The following FKTN variants were observed in gnomAD, a reference collection of about 807,000 sequenced individuals.
FKTN encodes the protein ribitol-5-phosphate transferase FKTN.
In FKTN, 47 loss-of-function variants were observed where a neutral mutation model predicts 58.6. The ratio of observed to expected loss-of-function variants is 0.80; its 90% CI spans 0.63 to 1.02. The LOEUF (loss-of-function observed/expected upper bound fraction) is 1.02. Ranked by LOEUF, FKTN falls within the 50% of genes least tolerant of loss-of-function variation. The pLI is 0.00. For synonymous variants in FKTN, 178 were observed against 191.9 expected, an observed-to-expected ratio of 0.93 and a Z score of 0.60; for missense variants, 516 against 537.3, an observed-to-expected ratio of 0.96 and a Z score of 0.39.
Position 105,638,686 on chromosome 9 carries a change from A to ATT in FKTN, c.*3431_*3432dup. ...CTGGAGTCACTTTGCAGTTTTCAAGATTTTTTTTTTATCTGCTTGGCTGGA... is the reference window on the plus strand; with the variant it reads ...CTGGAGTCACTTTGCAGTTTTCAAGATTTTTTTTTTTTATCTGCTTGGCTGGA... On this transcript the variant is annotated 3_prime_UTR_variant, in exon 11 of 11. Transcript: ENST00000357998. The ATT allele has an allele frequency of 1.1e-6, 1 of 936,218 alleles. No homozygotes were observed. Among genetic ancestry groups the ATT allele is most frequent in the African/African-American group, 1.8e-5 (1 of 55,858 alleles). The allele number at this position is 936,218 out of a possible 1,614,324, so 58.0% of individuals were successfully genotyped here.
Position 105,636,598 on chromosome 9 carries a change from T to C in FKTN, c.*1334T>C. The C allele has an allele frequency of 8.8e-7, 1 of 1,134,232 alleles. No homozygotes were observed. Among genetic ancestry groups the C allele is most frequent in the Non-Finnish European group, 1.1e-6 (1 of 895,194 alleles). The allele number at this position is 1,134,232 out of a possible 1,614,324, so 70.3% of individuals were successfully genotyped here. On this transcript the variant is annotated 3_prime_UTR_variant, in exon 11 of 11. Transcript: ENST00000357998. ...TACCCCATCTCTCTCTTATATCACT[T>C]GAATGATATATTGTAAGTGAGAGGT...
chr9:105,566,708 C>A (rs1240127464), intron 1 of FKTN, among the ~76,000 whole-genome samples: 9 of 151,648 alleles, frequency 5.9e-5, no homozygotes, highest in Admixed American at 6.6e-5. Flanking sequence ...CCGAATTCTA[C>A]CAGAGGTACA....
Position 105,637,179 on chromosome 9 carries a change from T to C in FKTN, c.*1915T>C. ...TCCACCCTACTTGATGAGGACCATT[T>C]GCTTGTGCTCAGTATTTAGAAATGC... On this transcript the variant is annotated 3_prime_UTR_variant, in exon 11 of 11. Coordinates refer to ENST00000357998, the MANE Select transcript of FKTN (RefSeq NM_001079802.2). 1.0e-6 allele frequency: 1 copy of C among 985,142 alleles called. No homozygotes were observed. Among genetic ancestry groups the C allele is most frequent in the South Asian group, 4.7e-5 (1 of 21,476 alleles). The allele number at this position is 985,142 out of a possible 1,614,324, so 61.0% of individuals were successfully genotyped here. A position where few individuals can be genotyped will look rare whatever the true frequency, so the allele number is the denominator to read the frequency against.
At position 105,639,486 on chromosome 9, in the gene FKTN, CAG is replaced by C. The variant is rs1834279478; in HGVS notation, c.*4223_*4224del. The C allele has an allele frequency of 2.9e-6, 2 of 697,252 alleles. No individual in the cohort carries two copies. The allele number at this position is 697,252 out of a possible 1,614,324, so 43.2% of individuals were successfully genotyped here. On this transcript the variant is annotated 3_prime_UTR_variant, in exon 11 of 11. Coordinates refer to ENST00000357998, the MANE Select transcript of FKTN (RefSeq NM_001079802.2). ...TTTTAGGGGGATTAAATGAAGTATA[CAG>C]TTCTTAGCCTCAGGCCTAGGATTAA...
rs773274756 is a variant in FKTN, at chr9:105,604,199, G to GCTT, written c.370-12_370-10dup. 6.2e-7 allele frequency: 1 copy of GCTT among 1,611,640 alleles called. No homozygotes were observed. Among genetic ancestry groups the GCTT allele is most frequent in the Non-Finnish European group, 8.5e-7 (1 of 1,179,494 alleles). ...TAAGTGTTGTTTCTTGATGTTTGATGCTTCTTTGGTTCTAGGAAGGCTGGT... is the reference window on the plus strand; with the variant it reads ...TAAGTGTTGTTTCTTGATGTTTGATGCTTCTTCTTTGGTTCTAGGAAGGCTGGT... On this transcript the variant is annotated splice_polypyrimidine_tract_variant and intron_variant, in intron 5 of 10. Transcript: ENST00000357998.
intron 3 of FKTN, among the ~76,000 whole-genome samples, chr9:105,578,920 T>C (rs1253858729): frequency 6.6e-6 from 1 of 152,124 alleles, no homozygotes; most frequent in African/African-American, 2.4e-5. Flanking sequence ...TGTCAAGGAA[T>C]TTATCCATTT....
intron 10 of FKTN, among the ~76,000 whole-genome samples, chr9:105,626,081 AGTT>A (rs1832700644): frequency 6.6e-6 from 1 of 152,154 alleles, no homozygotes; most frequent in Non-Finnish European, 1.5e-5. Flanking sequence ...GCTGTGTAGT[AGTT>A]AATTGTATGA....
intron 7 of FKTN, among the ~76,000 whole-genome samples, chr9:105,613,126 C>G (rs1242369650): frequency 6.6e-6 from 1 of 152,156 alleles, no homozygotes; most frequent in African/African-American, 2.4e-5. Flanking sequence ...TTAGTCCTTT[C>G]AGTCACTCTG....
chr9:105,617,821 G>A (rs1053797171), intron 8 of FKTN, 138 bp from the exon 9 acceptor site: 43 of 606,600 alleles, frequency 7.1e-5, no homozygotes, highest in Non-Finnish European at 1.0e-4. Flanking sequence ...AGGAGTTTGC[G>A]TACAGCCTGG....
intron 5 of FKTN, among the ~76,000 whole-genome samples, chr9:105,602,076 ATTG>A (rs947013322): frequency 2.6e-5 from 4 of 152,206 alleles, no homozygotes; most frequent in Admixed American, 2.6e-4. Context: ...TATGAATGAT[ATTG>A]TTGTTGGCAA....
At chr9:105,626,806 T>C (rs1415438802) in intron 10 of FKTN, among the ~76,000 whole-genome samples, 1 of 152,088 alleles carries the variant, frequency 6.6e-6, no homozygotes, top group Non-Finnish European at 1.5e-5. Flanking sequence ...TACCAAATTG[T>C]AGTTTAGATT....
chr9:105,570,431 T>C lies in FKTN; in HGVS notation c.-180-3224T>C, dbSNP rs77464264. Among the ~76,000 whole-genome samples the C allele has an allele frequency of 9.1e-3, 1,379 of 152,328 alleles. 22 individuals carry two copies. Among genetic ancestry groups the C allele is most frequent in the African/African-American group, 0.032 (1,321 of 41,578 alleles). ...CGTGCTTATTCCTTCATTGCAACTA[T>C]ACTGTATTGTTATTGCCTCTATATT... is the stretch of plus-strand genomic sequence containing the variant. On this transcript the variant is annotated intron_variant, in intron 1 of 10. Transcript: ENST00000357998.
chr9:105,636,467 T>C lies in FKTN; in HGVS notation c.*1203T>C. The C allele has an allele frequency of 1.0e-6, 1 of 993,834 alleles. No homozygotes were observed. 61.6% of individuals were successfully genotyped at this position (993,834 alleles called of 1,614,324 possible). A position where few individuals can be genotyped will look rare whatever the true frequency, so the allele number is the denominator to read the frequency against. On this transcript the variant is annotated 3_prime_UTR_variant, in exon 11 of 11. Transcript: ENST00000357998. ...CCCCAGTTTTTCAGTCTGTTGAATG[T>C]CGATGGGGCAAGAACTCAGACTTCT...
chr9:105,617,319 G>A (rs963686293), intron 8 of FKTN, among the ~76,000 whole-genome samples: 4 of 152,250 alleles, frequency 2.6e-5, no homozygotes, highest in South Asian at 2.1e-4. Context: ...GAGCACATAC[G>A]TGGTAAACAC....
intron 1 of FKTN, among the ~76,000 whole-genome samples, chr9:105,569,723 ATCT>A (rs1435802917): frequency 2.6e-5 from 4 of 152,162 alleles, no homozygotes; most frequent in African/African-American, 9.7e-5. Context: ...TTATATATTA[ATCT>A]TCTCATATTT....
chr9:105,617,137 C>A (rs1230082812), intron 8 of FKTN, among the ~76,000 whole-genome samples: 1 of 152,006 alleles, frequency 6.6e-6, no homozygotes, highest in East Asian at 1.9e-4. Context: ...TTTTAGAATT[C>A]CAAACAATAT....
chr9:105,606,131 A>T (rs1365080629), intron 6 of FKTN, among the ~76,000 whole-genome samples: 1 of 152,118 alleles, frequency 6.6e-6, no homozygotes, highest in Admixed American at 6.5e-5. Context: ...CCTTATAGTA[A>T]AAGTATTAAG....
chr9:105,572,663 T>TA (rs1265801183), intron 1 of FKTN, among the ~76,000 whole-genome samples: 6 of 152,192 alleles, frequency 3.9e-5, no homozygotes, highest in African/African-American at 1.4e-4. Flanking sequence ...AGTGCACAGA[T>TA]ACCCCATCTT....
Position 105,635,817 on chromosome 9 carries a change from GGAATT to G in FKTN, c.*559_*563del, listed in dbSNP as rs1833990612. The G allele has an allele frequency of 2.0e-6, 2 of 998,714 alleles. No homozygotes were observed. The highest frequency in any genetic ancestry group is 1.1e-4 in the Admixed American group (2 of 19,006). The allele number at this position is 998,714 out of a possible 1,614,324, so 61.9% of individuals were successfully genotyped here. ...GTTCATTTTTCAACTAATCTTATGT[GGAATT>G]GAATTAGAGAACAAGGCATTATTCT... On this transcript the variant is annotated 3_prime_UTR_variant, in exon 11 of 11. Transcript: ENST00000357998.
Sources: gnomAD v4.1 joint callset for allele counts (sites outside exome capture counted in the v4.1 genomes callset) on GRCh38, gnomAD v4.1.1 for gene constraint, MANE v1.5 for transcripts, NCBI Gene and HGNC (gene_info 2026-07-23, HGNC 2026-07-21) for gene names.